Variants in MYO16 observed in about 807,000 individuals in gnomAD.
MYO16 encodes the protein myosin XVI.
Under a neutral mutation model 205.3 loss-of-function variants are expected in MYO16, and 94 were observed. The ratio of observed to expected loss-of-function variants is 0.46; its 90% CI spans 0.39 to 0.54. The LOEUF (loss-of-function observed/expected upper bound fraction) is 0.54, where lower values mean the gene tolerates loss of function less well. MYO16 is among the 20% of genes least tolerant of loss of function. MYO16 has a pLI of 0.00. For synonymous variants in MYO16, 988 were observed against 954.0 expected, an observed-to-expected ratio of 1.04 and a Z score of -0.66; for missense variants, 2,315 against 2,387.5, an observed-to-expected ratio of 0.97 and a Z score of 0.63.
At chr13:109,027,589 G>A (rs1311890312) in intron 23 of MYO16, among the ~76,000 whole-genome samples, 1 of 151,862 alleles carries the variant, frequency 6.6e-6, no homozygotes, top group Non-Finnish European at 1.5e-5. Flanking sequence ...GCCAGGGTTT[G>A]ATTTCCAGCT....
intron 22 of MYO16, 34 bp from the exon 23 acceptor site, chr13:109,019,677 A>T: frequency 2.6e-6 from 4 of 1,544,688 alleles, no homozygotes; most frequent in Non-Finnish European, 3.6e-6. Context: ...TAAGTAATAG[A>T]CAAAACAACT....
At chr13:108,575,233 G>T in the MYO16 span, among the ~76,000 whole-genome samples, 11 of 152,156 alleles carry the variant, frequency 7.2e-5, no homozygotes, top group Non-Finnish European at 1.3e-4. Context: ...CTTTTCATCT[G>T]CTTAGAGCTT....
intron 1 of MYO16, among the ~76,000 whole-genome samples, chr13:108,658,324 GTCAATTTC>G (rs1881335234): frequency 6.6e-6 from 1 of 151,872 alleles, no homozygotes; most frequent in East Asian, 1.9e-4. Flanking sequence ...TCTAGAAATT[GTCAATTTC>G]TCACGTCTTT....
intron 12 of MYO16, among the ~76,000 whole-genome samples, chr13:108,881,745 A>G (rs909367931): frequency 8.2e-6 from 1 of 121,352 alleles, no homozygotes; most frequent in Non-Finnish European, 1.8e-5. Flanking sequence ...AAGTTTAGAG[A>G]AAAAAGAGTA....
chr13:109,000,606 T>C, intron 21 of MYO16, among the ~76,000 whole-genome samples: 1 of 152,192 alleles, frequency 6.6e-6, no homozygotes, highest in East Asian at 1.9e-4. Context: ...AGTTTATTAC[T>C]AAACAAGAAA....
intron 9 of MYO16, among the ~76,000 whole-genome samples, chr13:108,838,488 C>T (rs938979743): frequency 6.7e-6 from 1 of 150,002 alleles, no homozygotes. Context: ...ATAATGAAAC[C>T]CTGTCTCTAG....
chr13:109,084,029 C>T (rs755974328), intron 27 of MYO16, among the ~76,000 whole-genome samples: 1 of 152,110 alleles, frequency 6.6e-6, no homozygotes, highest in Non-Finnish European at 1.5e-5. Context: ...TGAAGTTAAT[C>T]CACTCAGCAG....
In MYO16 at chr13:108,883,084, C is replaced by T. The variant is rs1020843490; in HGVS notation, c.1451C>T (p.Ser484Leu). The T allele has an allele frequency of 5.0e-6, 8 of 1,613,980 alleles. No individual in the cohort carries two copies. Among genetic ancestry groups the T allele is most frequent in the Non-Finnish European group, 6.8e-6 (8 of 1,179,978 alleles). ...GTGTCCCAGCTGTATTTCAGCTCCT[C>T]AGGGAAGCTGTGTTCCTCGCTGCCT... ...SMVSQLYFSS[S>L]GKLCSSLPPH... is the part of the protein sequence containing the mutation. The change falls in exon 13 of 35, where the codon TCA becomes TTA. Residue 484 changes from serine to leucine, a missense_variant. Coordinates refer to ENST00000457511, the MANE Select transcript of MYO16 (RefSeq NM_001198950.3).
At chr13:108,632,166 G>GTTCCTGA (rs1183526863) in intron 1 of MYO16, among the ~76,000 whole-genome samples, 1 of 150,290 alleles carries the variant, frequency 6.7e-6, no homozygotes, top group Non-Finnish European at 1.5e-5. Flanking sequence ...TTTAATGGTT[G>GTTCCTGA]TTCCTGATGC....
rs894700449 is a variant in MYO16, at chr13:109,055,194, A to C, written c.3129+68A>C. The stretch of plus-strand genomic sequence containing the variant: ...TAGCAACTAAAGAGGGTTTATGTAG[A>C]CTTTTTTTTCCATTTTTGACAACTT... On this transcript the variant is annotated intron_variant, in intron 26 of 34. Transcript: ENST00000457511. This position sits in a 1 kb window ranked among gnomAD's most constrained non-coding sequence, Gnocchi z 5.0. 7.4e-7 allele frequency: 1 copy of C among 1,345,378 alleles called. No homozygotes were observed. The highest frequency in any genetic ancestry group is 1.0e-6 in the Non-Finnish European group (1 of 972,754). 83.3% of individuals were successfully genotyped at this position (1,345,378 alleles called of 1,614,324 possible).
chr13:108,994,847 G>T (rs1403943862), intron 21 of MYO16, among the ~76,000 whole-genome samples: 1 of 152,122 alleles, frequency 6.6e-6, no homozygotes, highest in Non-Finnish European at 1.5e-5. Context: ...TTTCATAGTG[G>T]TTCTTCTTGT....
intron 14 of MYO16, among the ~76,000 whole-genome samples, chr13:108,894,626 A>G (rs1880326352): frequency 6.6e-6 from 1 of 152,160 alleles, no homozygotes; most frequent in Admixed American, 6.5e-5. Flanking sequence ...CAGGTCAAAC[A>G]CTTATTCTTA....
chr13:109,183,053 C>T (rs774303794), intron 34 of MYO16, among the ~76,000 whole-genome samples: 4 of 152,210 alleles, frequency 2.6e-5, no homozygotes, highest in Non-Finnish European at 4.4e-5. Flanking sequence ...TCTAGAATTT[C>T]GTAGGTTATA....
At chr13:109,006,343 G>A (rs112617513) in intron 21 of MYO16, among the ~76,000 whole-genome samples, 13,611 of 152,112 alleles carry the variant, frequency 0.089, 682 homozygotes, top group Middle Eastern at 0.11. Flanking sequence ...AGGTTCAAGC[G>A]ATTCTCCTGT....
intron 20 of MYO16, among the ~76,000 whole-genome samples, chr13:108,973,322 C>T (rs1384869884): frequency 1.3e-5 from 2 of 150,158 alleles, no homozygotes. Flanking sequence ...GATCCTATAC[C>T]AATGAAAAAA....
chr13:109,206,425 A>G (rs985539372), intron 34 of MYO16, among the ~76,000 whole-genome samples, 184 bp from the exon 35 acceptor site: 3 of 152,184 alleles, frequency 2.0e-5, no homozygotes, highest in Non-Finnish European at 4.4e-5. Context: ...GCCTTAACTC[A>G]GCAATTCACA....
intron 4 of MYO16, among the ~76,000 whole-genome samples, chr13:108,747,674 C>T (rs1008206578): frequency 7.2e-5 from 11 of 152,050 alleles, no homozygotes; most frequent in African/African-American, 9.7e-5. Context: ...CAGATTAACA[C>T]AACTATGTCA....
At chr13:108,786,037 G>A (rs564577956) in intron 5 of MYO16, among the ~76,000 whole-genome samples, 208 of 152,328 alleles carry the variant, frequency 1.4e-3, no homozygotes, top group African/African-American at 4.8e-3. Flanking sequence ...ATTATAATCT[G>A]TTCTCCCCTG....
At chr13:108,869,570 A>G (rs1334214123) in intron 12 of MYO16, among the ~76,000 whole-genome samples, 1 of 8,396 alleles carries the variant, frequency 1.2e-4, no homozygotes, top group Non-Finnish European at 3.2e-4. Flanking sequence ...TAAAAATACA[A>G]AAAAAAAAAA....
Sources: allele counts gnomAD v4.1 joint callset (sites outside exome capture counted in the v4.1 genomes callset), GRCh38; gene constraint gnomAD v4.1.1; non-coding constraint Gnocchi (gnomAD v3.1); transcripts MANE v1.5; gene names NCBI Gene and HGNC (gene_info 2026-07-23, HGNC 2026-07-21).